Variants in VSIR observed in about 807,000 individuals in gnomAD.
VSIR encodes the protein V-type immunoglobulin domain-containing suppressor of T-cell activation.
Under a neutral mutation model 31.0 loss-of-function variants are expected in VSIR, and 10 were observed. That is an observed-to-expected ratio of 0.32 (90% CI 0.20 to 0.55). The LOEUF (loss-of-function observed/expected upper bound fraction) is 0.55. Ranked by LOEUF, VSIR falls within the 20% of genes least tolerant of loss-of-function variation. The pLI is 0.93. For synonymous variants in VSIR, 179 were observed against 180.1 expected (o/e 0.99, Z 0.05); for missense variants, 356 against 416.2 (o/e 0.86, Z 1.26).
chr10:71,753,799 A>C (rs773635854), intron 4 of VSIR: 1 of 456,454 alleles, frequency 2.2e-6, no homozygotes, highest in South Asian at 1.5e-5. Context: ...ACAACAACAG[A>C]ACAAACACAG....
intron 1 of VSIR, among the ~76,000 whole-genome samples, chr10:71,765,816 A>G (rs1043716032): frequency 6.6e-6 from 1 of 152,106 alleles, no homozygotes; most frequent in African/African-American, 2.4e-5. Flanking sequence ...TTTGGGGAGC[A>G]GGGGAGGATG....
At chr10:71,765,411 C>T (rs920412822) in intron 1 of VSIR, among the ~76,000 whole-genome samples, 10 of 152,162 alleles carry the variant, frequency 6.6e-5, no homozygotes, top group African/African-American at 2.2e-4. Context: ...AAGCAAGATG[C>T]GCAAAGCTGA....
intron 3 of VSIR, chr10:71,760,570 C>T (rs1196482455): frequency 6.5e-6 from 2 of 306,132 alleles, no homozygotes; most frequent in Non-Finnish European, 1.2e-5. Flanking sequence ...CACTTAGCTG[C>T]CTGGGGCACC....
chr10:71,763,299 C>G (rs114324993), intron 1 of VSIR, among the ~76,000 whole-genome samples: 1 of 152,244 alleles, frequency 6.6e-6, no homozygotes, highest in South Asian at 2.1e-4. Flanking sequence ...TGACCCACTA[C>G]GCCCGGCCAG....
chr10:71,761,272 C>T (rs1165026453), intron 2 of VSIR, among the ~76,000 whole-genome samples: 1 of 152,224 alleles, frequency 6.6e-6, no homozygotes, highest in East Asian at 1.9e-4. Context: ...GGGCACCAAT[C>T]AGTCCCACTG....
chr10:71,771,712 T>G (rs2132912934), intron 1 of VSIR, among the ~76,000 whole-genome samples: 1 of 152,266 alleles, frequency 6.6e-6, no homozygotes, highest in Non-Finnish European at 1.5e-5. Flanking sequence ...TAGTATACCA[T>G]GTTGTTTGAG....
At chr10:71,769,430 TAA>T (rs773638350) in intron 1 of VSIR, among the ~76,000 whole-genome samples, 25 of 152,132 alleles carry the variant, frequency 1.6e-4, no homozygotes, top group Admixed American at 7.9e-4. Context: ...ATGACAGCGA[TAA>T]AAAGTTTCCT....
chr10:71,753,389 C>A lies in VSIR; in HGVS notation c.677-387G>T, dbSNP rs1463152473. ...AACTCTTGAATTTGCTAACTGGTGTCTCTTGTTTGAACATTTGCCAGGTTC... is the reference window on the plus strand; with the variant it reads ...AACTCTTGAATTTGCTAACTGGTGTATCTTGTTTGAACATTTGCCAGGTTC... On this transcript the variant is annotated intron_variant, in intron 4 of 6. Transcript: ENST00000394957. Among the ~76,000 whole-genome samples the A allele has an allele frequency of 4.6e-5, 7 of 152,214 alleles. 1 individual carries two copies. Among genetic ancestry groups the A allele is most frequent in the African/African-American group, 1.7e-4 (7 of 41,454 alleles).
intron 1 of VSIR, among the ~76,000 whole-genome samples, chr10:71,771,421 G>A (rs973170222): frequency 6.6e-6 from 1 of 152,220 alleles, no homozygotes; most frequent in African/African-American, 2.4e-5. Context: ...TTGACCTTGG[G>A]CAACATACCC....
intron 3 of VSIR, chr10:71,760,623 C>T (rs41305995): frequency 0.014 from 6,670 of 492,336 alleles, 64 homozygotes; most frequent in Middle Eastern, 0.026. Flanking sequence ...AAGGTCACTG[C>T]CAAGGCACAG....
chr10:71,766,954 A>T (rs1296833822), intron 1 of VSIR, among the ~76,000 whole-genome samples: 1 of 152,238 alleles, frequency 6.6e-6, no homozygotes, highest in Non-Finnish European at 1.5e-5. Context: ...GCTCTGCCTC[A>T]GACCCAAGCT....
chr10:71,752,747 G>C (rs960817697), intron 5 of VSIR, among the ~76,000 whole-genome samples: 2 of 152,154 alleles, frequency 1.3e-5, no homozygotes, highest in Non-Finnish European at 2.9e-5. Context: ...ACTGAGACCC[G>C]AAGGTGGGTG....
chr10:71,755,449 G>A lies in VSIR; in HGVS notation c.586C>T (p.Leu196=). ...CCTACGATGCAGGCACCCGTAGCCA[G>A]GGCTGCAGCCGTGATGTCTGAAAGG... ...QDSENITAAA[L]ATGACIVGIL... Residue 196 remains leucine (L), a synonymous_variant, in exon 4 of 7, where the codon CTG becomes TTG. Coordinates refer to ENST00000394957, the MANE Select transcript of VSIR (RefSeq NM_022153.2). 6.2e-7 allele frequency: 1 copy of A among 1,612,458 alleles called. No homozygotes were observed. Among genetic ancestry groups the A allele is most frequent in the Non-Finnish European group, 8.5e-7 (1 of 1,179,512 alleles).
chr10:71,761,567 C>A, intron 2 of VSIR, 31 bp downstream of exon 2: 1 of 1,533,258 alleles, frequency 6.5e-7, no homozygotes, highest in Non-Finnish European at 8.8e-7. Flanking sequence ...CCTCCACACA[C>A]GCCAGGCTGT....
Position 71,750,967 on chromosome 10 carries a change from T to A in VSIR, c.*286A>T. The A allele has an allele frequency of 2.5e-6, 1 of 405,958 alleles. No individual in the cohort carries two copies. The allele number at this position is 405,958 out of a possible 1,614,324, so 25.1% of individuals were successfully genotyped here. A position where few individuals can be genotyped will look rare whatever the true frequency, so the allele number is the denominator to read the frequency against. ...CTGAAGGGCTGGACGTTCTGAGACT[T>A]CTTAAGATGTAAGTCATTTGGCATC... is the stretch of plus-strand genomic sequence containing the variant. On this transcript the variant is annotated 3_prime_UTR_variant, in exon 7 of 7. Coordinates refer to ENST00000394957, the MANE Select transcript of VSIR (RefSeq NM_022153.2).
chr10:71,766,128 G>A (rs150996551), intron 1 of VSIR, among the ~76,000 whole-genome samples: 12 of 152,216 alleles, frequency 7.9e-5, no homozygotes, highest in African/African-American at 2.7e-4. Context: ...TGTGCAGCCC[G>A]GCTAAAATTA....
chr10:71,769,141 T>C (rs10999992), intron 1 of VSIR, among the ~76,000 whole-genome samples: 20,102 of 152,270 alleles, frequency 0.13, 1,624 homozygotes, highest in East Asian at 0.28. Flanking sequence ...GAATCATATA[T>C]AGAAGAGGTT....
chr10:71,752,571 T>G (rs1251447171), intron 5 of VSIR, among the ~76,000 whole-genome samples: 1 of 152,172 alleles, frequency 6.6e-6, no homozygotes, highest in Non-Finnish European at 1.5e-5. Flanking sequence ...GCCTCTGCCC[T>G]TGTGGCCTGC....
chr10:71,751,608 G>T lies in VSIR; in HGVS notation c.898+60C>A. 1 of 1,483,122 alleles carries T rather than the reference G, an allele frequency of 6.7e-7. No homozygotes were observed. The highest frequency in any genetic ancestry group is 1.4e-5 in the African/African-American group (1 of 70,994). 91.9% of individuals were successfully genotyped at this position (1,483,122 alleles called of 1,614,324 possible). A position where few individuals can be genotyped will look rare whatever the true frequency, so the allele number is the denominator to read the frequency against. On this transcript the variant is annotated intron_variant, in intron 6 of 6. Coordinates refer to ENST00000394957, the MANE Select transcript of VSIR (RefSeq NM_022153.2). This position sits in a 1 kb window ranked among gnomAD's most constrained non-coding sequence, Gnocchi z 4.9. ...GGGCAGGGAGTGAGGCCGATGCCCTGCAGGCCATGAGGTCATGACCTTACA... is the reference window on the plus strand; with the variant it reads ...GGGCAGGGAGTGAGGCCGATGCCCTTCAGGCCATGAGGTCATGACCTTACA...
Sources: allele counts gnomAD v4.1 joint callset (sites outside exome capture counted in the v4.1 genomes callset), GRCh38; gene constraint gnomAD v4.1.1; non-coding constraint Gnocchi (gnomAD v3.1); transcripts MANE v1.5; gene names NCBI Gene and HGNC (gene_info 2026-07-23, HGNC 2026-07-21).